Variants in PRSS23 observed in about 807,000 individuals in gnomAD.
PRSS23 encodes serine protease 23, also known as protease, serine 23.
In PRSS23, 25 loss-of-function variants were observed where a neutral mutation model predicts 34.7. That is an observed-to-expected ratio of 0.72 (90% CI 0.53 to 1.01). The LOEUF (loss-of-function observed/expected upper bound fraction) is 1.01. Among genes scored for constraint, PRSS23 ranks in the 50% least tolerant of loss-of-function variants. PRSS23 has a pLI of 0.00. For missense variants in PRSS23, 445 were observed against 475.6 expected (o/e 0.94, Z 0.60); for synonymous variants, 176 against 186.6 (o/e 0.94, Z 0.46).
intron 2 of PRSS23, among the ~76,000 whole-genome samples, chr11:86,868,960 C>T (rs1329300075): frequency 6.6e-6 from 1 of 152,092 alleles, no homozygotes; most frequent in Non-Finnish European, 1.5e-5. Flanking sequence ...TACAGACTTG[C>T]ACCACCATGC....
At chr11:86,844,026 A>G (rs906310569) in intron 2 of PRSS23, among the ~76,000 whole-genome samples, 2 of 152,238 alleles carry the variant, frequency 1.3e-5, no homozygotes, top group Non-Finnish European at 2.9e-5. Context: ...AATGTCCATC[A>G]ATGATAGACT....
upstream of PRSS23, among the ~76,000 whole-genome samples, chr11:86,798,961 C>T (rs1948000353): frequency 6.6e-6 from 1 of 152,184 alleles, no homozygotes; most frequent in Non-Finnish European, 1.5e-5. Context: ...TTCCAAAGTG[C>T]TACGATTACA....
chr11:86,798,251 A>G (rs1180728583), upstream of PRSS23, among the ~76,000 whole-genome samples: 2 of 152,244 alleles, frequency 1.3e-5, no homozygotes, highest in Non-Finnish European at 1.5e-5. Flanking sequence ...CACATTCTGG[A>G]TCATTGGGAT....
intron 2 of PRSS23, among the ~76,000 whole-genome samples, chr11:86,840,146 A>T (rs2134902495): frequency 6.6e-6 from 1 of 152,316 alleles, no homozygotes; most frequent in South Asian, 2.1e-4. Context: ...ATTAAAAGCT[A>T]CAGATTGGCA....
At position 86,931,797 on chromosome 11, in the gene PRSS23, G is replaced by A. The variant is rs547748851; in HGVS notation, c.207-19419G>A. Among the ~76,000 whole-genome samples, 10 of 151,606 alleles carry A rather than the reference G, an allele frequency of 6.6e-5. No individual in the cohort carries two copies. In the East Asian group the frequency reaches 1.6e-3, roughly 24 times the overall value. On this transcript the variant is annotated intron_variant, in intron 2 of 2. Coordinates refer to the PRSS23 transcript ENST00000533902. ...GCTGGGATTACAGGCATGAGCCATC[G>A]TTCTCAGCGTGCTTTTTATTAACTG...
chr11:86,949,286 C>CA (rs1451902645), intron 2 of PRSS23: 1 of 151,662 alleles, frequency 6.6e-6, no homozygotes, highest in Non-Finnish European at 1.5e-5. Context: ...AGGGAAATGT[C>CA]AAACTATGGG....
At position 86,926,405 on chromosome 11, in the gene PRSS23, TA is replaced by T. The variant is rs553386027; in HGVS notation, c.207-24803del. Among the ~76,000 whole-genome samples, 9 of 151,876 alleles carry T rather than the reference TA, an allele frequency of 5.9e-5. No homozygotes were observed. The East Asian group carries it at 1.4e-3, about 23-fold the overall frequency. The stretch of plus-strand genomic sequence containing the variant: ...AATAAAATATAAATAAACTTCACCC[TA>T]AAAAAAAGTGTGACTTAGAGTCCTA... On this transcript the variant is annotated intron_variant, in intron 2 of 2. Transcript: ENST00000533902.
chr11:86,896,609 G>C (rs1252700760), intron 2 of PRSS23: 1 of 152,162 alleles, frequency 6.6e-6, no homozygotes, highest in Non-Finnish European at 1.5e-5. Context: ...ATTAACATCT[G>C]TCACCCATTT....
intron 1 of PRSS23, among the ~76,000 whole-genome samples, chr11:86,800,922 G>T (rs1021539913): frequency 1.4e-4 from 21 of 151,986 alleles, no homozygotes; most frequent in South Asian, 4.2e-4. Context: ...GCTGTCTTGG[G>T]TGCAGGATGT....
At chr11:86,951,409 C>A in exon 3 of PRSS23, 1 of 1,613,136 alleles carries the variant, frequency 6.2e-7, no homozygotes, top group Non-Finnish European at 8.5e-7. Flanking sequence ...CAATCACACA[C>A]GTTGCAGGAA....
At chr11:86,925,539 C>T (rs988476501) in intron 2 of PRSS23, among the ~76,000 whole-genome samples, 16 of 152,118 alleles carry the variant, frequency 1.1e-4, no homozygotes, top group Non-Finnish European at 2.9e-5. Flanking sequence ...CATAATCAGG[C>T]ATGTAGCTCT....
intron 2 of PRSS23, among the ~76,000 whole-genome samples, chr11:86,862,713 T>A (rs1320587572): frequency 6.6e-6 from 1 of 151,970 alleles, no homozygotes; most frequent in Non-Finnish European, 1.5e-5. Context: ...TTACTCTTAA[T>A]GTCACAAAAG....
chr11:86,944,723 C>T (rs1306134962), intron 2 of PRSS23, among the ~76,000 whole-genome samples: 1 of 152,174 alleles, frequency 6.6e-6, no homozygotes, highest in Non-Finnish European at 1.5e-5. Context: ...TCCTTAACTT[C>T]GTAATTACTT....
intron 2 of PRSS23, among the ~76,000 whole-genome samples, chr11:86,918,571 CTA>C (rs1949028462): frequency 1.3e-5 from 2 of 152,206 alleles, no homozygotes; most frequent in Non-Finnish European, 1.5e-5. Context: ...ATCTGACATC[CTA>C]TATATTTTAC....
chr11:86,812,765 G>C (rs1292660306), downstream of PRSS23, among the ~76,000 whole-genome samples: 1 of 140,162 alleles, frequency 7.1e-6, no homozygotes, highest in Non-Finnish European at 1.5e-5. Context: ...TCCAGCCTAG[G>C]CAACAGAGTG....
At chr11:86,799,625 CTA>C (rs1948006180), upstream of PRSS23, among the ~76,000 whole-genome samples, 1 of 152,216 alleles carries the variant, frequency 6.6e-6, no homozygotes. Flanking sequence ...TAGGAAGGCT[CTA>C]ACACTAGGAC....
Position 86,800,650 on chromosome 11 carries a change from G to T in PRSS23, c.-15G>T. On this transcript the variant is annotated splice_region_variant and 5_prime_UTR_variant, in exon 1 of 2. Transcript: ENST00000280258. ...GCGGCCCGGGCGGGCTGCTCGGCGCGGGTGAGTGCGGGCACCGACTGGGGC... is the reference window on the plus strand; with the variant it reads ...GCGGCCCGGGCGGGCTGCTCGGCGCTGGTGAGTGCGGGCACCGACTGGGGC... 1.0e-6 allele frequency: 1 copy of T among 985,200 alleles called. No homozygotes were observed. 61.0% of individuals were successfully genotyped at this position (985,200 alleles called of 1,614,324 possible). A position where few individuals can be genotyped will look rare whatever the true frequency, so the allele number is the denominator to read the frequency against.
intron 2 of PRSS23, among the ~76,000 whole-genome samples, chr11:86,872,524 A>T (rs1275641284): frequency 6.6e-6 from 1 of 152,212 alleles, no homozygotes; most frequent in Non-Finnish European, 1.5e-5. Flanking sequence ...GAGTGCAGAG[A>T]CAAGTTTTAT....
chr11:86,868,612 C>G (rs1254385167), intron 2 of PRSS23, among the ~76,000 whole-genome samples: 1 of 152,098 alleles, frequency 6.6e-6, no homozygotes, highest in Non-Finnish European at 1.5e-5. Context: ...CCTTGAGCAC[C>G]ATCTAATTTA....
Sources: allele counts gnomAD v4.1 joint callset (sites outside exome capture counted in the v4.1 genomes callset), GRCh38; gene constraint gnomAD v4.1.1; transcripts MANE v1.5; gene names NCBI Gene and HGNC (gene_info 2026-07-23, HGNC 2026-07-21).